The following SPCS2 variants were observed in gnomAD, a reference collection of about 807,000 sequenced individuals.
SPCS2 encodes SPase 25 kDa subunit.
A neutral mutation model predicts 22.3 loss-of-function variants in SPCS2; 3 were observed. The observed-to-expected ratio is 0.13, with a 90% CI of 0.06 to 0.35. The LOEUF is 0.35. Among genes scored for constraint, SPCS2 ranks in the 10% least tolerant of loss-of-function variants. SPCS2 has a pLI of 1.00. For missense variants in SPCS2, 169 were observed against 280.9 expected (o/e 0.60, Z 2.85); for synonymous variants, 67 against 97.2 (o/e 0.69, Z 1.83).
At chr11:74,963,287 A>G (rs1214718042) in intron 1 of SPCS2, among the ~76,000 whole-genome samples, 1 of 152,204 alleles carries the variant, frequency 6.6e-6, no homozygotes, top group Admixed American at 6.5e-5. Context: ...TGCCATGAGT[A>G]ATTTTCTCAA....
At chr11:74,975,834 C>T (rs1485117146) in intron 4 of SPCS2, among the ~76,000 whole-genome samples, 2 of 152,120 alleles carry the variant, frequency 1.3e-5, no homozygotes, top group Non-Finnish European at 2.9e-5. Context: ...GAAATAGAGC[C>T]TCAAGAAACT....
At chr11:74,959,533 T>G (rs549832248) in intron 1 of SPCS2, among the ~76,000 whole-genome samples, 1 of 152,190 alleles carries the variant, frequency 6.6e-6, no homozygotes, top group Admixed American at 6.6e-5. Context: ...GCTGGGACTT[T>G]AGGTGGGCAC....
intron 3 of SPCS2, among the ~76,000 whole-genome samples, chr11:74,968,518 GTTTT>G (rs60284428): frequency 5.8e-5 from 7 of 120,234 alleles, no homozygotes; most frequent in Non-Finnish European, 5.4e-5. Context: ...GGTTTTTTTT[GTTTT>G]TTTTTTTTTT....
intron 1 of SPCS2, among the ~76,000 whole-genome samples, chr11:74,959,822 CATATCCTTCAGACCTGAGTTGTGTTTA>C (rs1337651175): frequency 3.3e-5 from 5 of 152,212 alleles, no homozygotes; most frequent in African/African-American, 1.2e-4. Context: ...GTACTGACTA[CATATCCTTCAGACCTGAGTTGTGTTTA>C]ATATCCTTCC....
rs1044401328 is a variant in SPCS2 at position 74,977,890 on chromosome 11, A to G, written c.*847A>G. 6 of 150,452 alleles carry G rather than the reference A, an allele frequency of 4.0e-5. No individual in the cohort carries two copies. Among genetic ancestry groups the G allele is most frequent in the African/African-American group, 1.5e-4 (6 of 41,352 alleles). 9.3% of individuals were successfully genotyped at this position (150,452 alleles called of 1,614,324 possible). A position where few individuals can be genotyped will look rare whatever the true frequency, so the allele number is the denominator to read the frequency against. On this transcript the variant is annotated 3_prime_UTR_variant, in exon 5 of 5. Coordinates refer to ENST00000263672, the MANE Select transcript of SPCS2 (RefSeq NM_014752.3). ...TCTTAGCTTTCCAGTGATAATAACA[A>G]TAATAACAACATTCTGTACTTACTT... is the stretch of plus-strand genomic sequence containing the variant.
rs1948285211 is a variant in SPCS2, at chr11:74,949,339, T to G, written c.54T>G (p.Ser18Arg). 1 of 1,551,210 alleles carries G rather than the reference T, an allele frequency of 6.4e-7. No individual in the cohort carries two copies. The highest frequency in any genetic ancestry group is 2.4e-5 in the East Asian group (1 of 40,906). ...GGRSGGSGGC[S>R]GAGGASNCGT... ...GAAGCGGTGGTAGCGGAGGCTGTAG[T>G]GGGGCTGGTGGTGCTTCCAACTGCG... The change falls in exon 1 of 5, where the codon AGT becomes AGG. Residue 18 changes from serine to arginine, a missense_variant. Transcript: ENST00000263672.
At chr11:74,958,500 A>ATG (rs1394146219) in intron 1 of SPCS2, among the ~76,000 whole-genome samples, 1 of 152,158 alleles carries the variant, frequency 6.6e-6, no homozygotes, top group African/African-American at 2.4e-5. Flanking sequence ...CTTGCTAAAT[A>ATG]TGTGTGTGTG....
intron 3 of SPCS2, 84 bp downstream of exon 3, chr11:74,966,007 G>C (rs1456931770): frequency 7.7e-7 from 1 of 1,299,082 alleles, no homozygotes; most frequent in African/African-American, 1.5e-5. Flanking sequence ...AAACAAAACG[G>C]ACTTTCATAT....
At chr11:74,963,751 A>G (rs956141431) in intron 1 of SPCS2, 1 of 205,404 alleles carries the variant, frequency 4.9e-6, no homozygotes, top group Non-Finnish European at 1.0e-5. Context: ...GCTCAATCCG[A>G]AAGATAAATA....
chr11:74,964,904 A>T, intron 1 of SPCS2, 130 bp from the exon 2 acceptor site: 1 of 623,682 alleles, frequency 1.6e-6, no homozygotes, highest in Non-Finnish European at 2.7e-6. Context: ...TTTGTCTTTT[A>T]GTTCTGCAAC....
chr11:74,956,704 C>A (rs747351114), intron 1 of SPCS2, among the ~76,000 whole-genome samples: 6 of 152,200 alleles, frequency 3.9e-5, no homozygotes, highest in African/African-American at 9.7e-5. Context: ...TGCTGAATCT[C>A]TCCAGTAACT....
chr11:74,973,422 C>T (rs1159414331), intron 4 of SPCS2, among the ~76,000 whole-genome samples: 1 of 152,144 alleles, frequency 6.6e-6, no homozygotes, highest in African/African-American at 2.4e-5. Flanking sequence ...TTCCTTTCTT[C>T]CCATTATCCT....
Position 74,969,798 on chromosome 11 carries a change from G to A in SPCS2, c.494+99G>A, listed in dbSNP as rs536985853. ...ACTTATTATGTGCCTACTCTATGTG[G>A]ATCATAGGGCTAGTCATATAAAATG... On this transcript the variant is annotated intron_variant, in intron 4 of 4. Transcript: ENST00000263672. 6.6e-5 allele frequency: 89 copies of A among 1,340,580 alleles called. 1 individual carries two copies. The South Asian group carries it at 1.0e-3, about 15-fold the overall frequency. 83.0% of individuals were successfully genotyped at this position (1,340,580 alleles called of 1,614,324 possible).
chr11:74,966,246 T>C (rs1395025473), intron 3 of SPCS2, among the ~76,000 whole-genome samples: 1 of 152,220 alleles, frequency 6.6e-6, no homozygotes, highest in East Asian at 1.9e-4. Flanking sequence ...CCAGAACTTT[T>C]CCCGTTAGAC....
chr11:74,952,505 C>T (rs1948452626), intron 1 of SPCS2, among the ~76,000 whole-genome samples: 1 of 151,944 alleles, frequency 6.6e-6, no homozygotes, highest in African/African-American at 2.4e-5. Flanking sequence ...TTGGTAGAGA[C>T]AAGGTCTCAC....
intron 3 of SPCS2, among the ~76,000 whole-genome samples, chr11:74,967,488 G>A (rs2140218983): frequency 6.6e-6 from 1 of 152,284 alleles, no homozygotes; most frequent in East Asian, 1.9e-4. Context: ...CGTGGCTCAT[G>A]CCTGTAATCC....
At chr11:74,955,884 A>ATATATATATATATATATATATATATC (rs1555115691) in intron 1 of SPCS2, among the ~76,000 whole-genome samples, 1 of 127,842 alleles carries the variant, frequency 7.8e-6, no homozygotes, top group African/African-American at 3.0e-5. Context: ...ATATATATAT[A>ATATATATATATATATATATATATATC]TATCTGCCTG....
rs563913065 is a variant in SPCS2, at chr11:74,974,676, G to A, written c.495-2181G>A. The stretch of plus-strand genomic sequence containing the variant: ...TTCATCTAGGCTGGAGTGCAGTGGC[G>A]CGATCTCGGCTCGCTGCAAGCTCCG... On this transcript the variant is annotated intron_variant, in intron 4 of 4. Transcript: ENST00000263672. Among the ~76,000 whole-genome samples the A allele has an allele frequency of 1.1e-4, 16 of 152,172 alleles. No individual in the cohort carries two copies. The East Asian group carries it at 2.5e-3, about 24-fold the overall frequency.
chr11:74,956,428 T>A (rs1029071765), intron 1 of SPCS2, among the ~76,000 whole-genome samples: 2 of 152,230 alleles, frequency 1.3e-5, no homozygotes, highest in African/African-American at 4.8e-5. Flanking sequence ...CCCAGTCTTC[T>A]TCATTTCAGG....
Sources: gnomAD v4.1 joint callset for allele counts (sites outside exome capture counted in the v4.1 genomes callset) on GRCh38, gnomAD v4.1.1 for gene constraint, MANE v1.5 for transcripts, NCBI Gene and HGNC (gene_info 2026-07-23, HGNC 2026-07-21) for gene names.